MYO10: variants seen among roughly 807,000 people sequenced by gnomAD.
MYO10 encodes the protein myosin X.
In MYO10, 133 loss-of-function variants were observed where a neutral mutation model predicts 257.3. The ratio of observed to expected loss-of-function variants is 0.52; its 90% confidence interval spans 0.45 to 0.60. MYO10 has a LOEUF of 0.60. Ranked by LOEUF, MYO10 falls within the 20% of genes least tolerant of loss-of-function variation. MYO10 has a pLI of 0.00. For synonymous variants in MYO10, 1,104 were observed against 1,028.6 expected (o/e 1.07, Z -1.40); for missense variants, 2,399 against 2,635.7 (o/e 0.91, Z 1.97).
intron 2 of MYO10, among the ~76,000 whole-genome samples, chr5:16,842,091 A>C (rs548478740): frequency 1.3e-5 from 2 of 152,316 alleles, no homozygotes; most frequent in Non-Finnish European, 2.9e-5. Context: ...TTCATAGTAT[A>C]AAGTAAAACT....
intron 1 of MYO10, among the ~76,000 whole-genome samples, chr5:16,906,471 G>A (rs959516603): frequency 6.6e-6 from 1 of 152,132 alleles, no homozygotes; most frequent in Non-Finnish European, 1.5e-5. Flanking sequence ...AATGTCCCCT[G>A]GAGGCAAAAT....
At chr5:16,757,718 GCAGTGGTGCAATCA>G (rs1740577312) in intron 18 of MYO10, among the ~76,000 whole-genome samples, 1 of 152,170 alleles carries the variant, frequency 6.6e-6, no homozygotes, top group Admixed American at 6.5e-5. Context: ...AGGCTGGAGT[GCAGTGGTGCAATCA>G]CAGCTCTCTG....
Position 16,783,394 on chromosome 5 carries a change from A to T in MYO10, c.543T>A (p.Ser181=). The T allele has an allele frequency of 6.2e-7, 1 of 1,607,416 alleles. No individual in the cohort carries two copies. The highest frequency in any genetic ancestry group is 8.5e-7 in the Non-Finnish European group (1 of 1,176,864). Residue 181 remains serine, a synonymous_variant, in exon 5 of 41, where the codon TCT becomes TCA. Transcript: ENST00000513610. ...TCTTCTCCTTTAAGGACAATTCCAA[A>T]GACTGTTGACTGATGACTGACAGAA... ...LKFLSVISQQ[S]LELSLKEKTS...
chr5:16,816,200 G>A (rs1264270854), intron 3 of MYO10, among the ~76,000 whole-genome samples: 3 of 151,810 alleles, frequency 2.0e-5, no homozygotes, highest in Non-Finnish European at 4.4e-5. Flanking sequence ...TTAGCTGGGC[G>A]TGGTAGCACA....
At chr5:16,734,466 T>C (rs1368529129) in intron 19 of MYO10, among the ~76,000 whole-genome samples, 3 of 152,172 alleles carry the variant, frequency 2.0e-5, no homozygotes, top group Non-Finnish European at 4.4e-5. Flanking sequence ...CACCTGTTTT[T>C]TGCTGGGAGA....
At chr5:16,734,310 G>A (rs1316756403) in intron 19 of MYO10, among the ~76,000 whole-genome samples, 1 of 152,156 alleles carries the variant, frequency 6.6e-6, no homozygotes, top group African/African-American at 2.4e-5. Flanking sequence ...TCAGGGTTCT[G>A]ATCATATTGC....
intron 34 of MYO10, among the ~76,000 whole-genome samples, chr5:16,675,477 C>G (rs1158613312): frequency 6.6e-6 from 1 of 152,166 alleles, no homozygotes; most frequent in Non-Finnish European, 1.5e-5. Context: ...ATGGCTCACA[C>G]CTGTAATCTC....
intron 2 of MYO10, among the ~76,000 whole-genome samples, chr5:16,823,349 G>A (rs1742885709): frequency 7.1e-6 from 1 of 141,554 alleles, no homozygotes. Flanking sequence ...AGAGGCTGAG[G>A]CATGAGAATC....
intron 19 of MYO10, among the ~76,000 whole-genome samples, chr5:16,725,787 C>CTT (rs35020175): frequency 0.074 from 10,276 of 138,124 alleles, 881 homozygotes; most frequent in East Asian, 0.39. Flanking sequence ...CAGGTACCCC[C>CTT]TTTTTTTTTT....
At chr5:16,829,020 T>C (rs552117525) in intron 2 of MYO10, among the ~76,000 whole-genome samples, 2 of 152,292 alleles carry the variant, frequency 1.3e-5, no homozygotes, top group South Asian at 4.1e-4. Flanking sequence ...AGCCCCTCCC[T>C]GCGAAGAGTT....
intron 9 of MYO10, among the ~76,000 whole-genome samples, chr5:16,774,754 T>C (rs1177879910): frequency 6.6e-6 from 1 of 152,150 alleles, no homozygotes; most frequent in Non-Finnish European, 1.5e-5. Context: ...ATTATATTAT[T>C]TTAAAAATAC....
At chr5:16,912,802 G>GCACACACACACACACACACACACACA (rs70943817) in intron 1 of MYO10, among the ~76,000 whole-genome samples, 17 of 111,594 alleles carry the variant, frequency 1.5e-4, no homozygotes, top group Non-Finnish European at 2.6e-4. Flanking sequence ...CTACCACCCT[G>GCACACACACACACACACACACACACA]CACACACACA....
chr5:16,796,279 GAAAGAAAGAAGA>G (rs1741949928), intron 3 of MYO10, among the ~76,000 whole-genome samples: 2 of 139,300 alleles, frequency 1.4e-5, no homozygotes, highest in Middle Eastern at 3.5e-3. Flanking sequence ...AAGAAGGAAA[GAAAGAAAGAAGA>G]AAAGAAAGAA....
rs191761608 is a variant in MYO10, at chr5:16,669,405, C to T, written c.5884-937G>A. On this transcript the variant is annotated intron_variant, in intron 39 of 40. Transcript: ENST00000513610. ...ATTTTTTGCAGAGATGGGGTTTCAC[C>T]GTGTTAGCCAGGATGGTCTCGATCT... is the stretch of plus-strand genomic sequence containing the variant. 4.5e-4 allele frequency among the ~76,000 whole-genome samples: 69 copies of T among 152,160 alleles called. No individual in the cohort carries two copies. The East Asian group carries it at 6.2e-3, about 14-fold the overall frequency.
intron 2 of MYO10, among the ~76,000 whole-genome samples, chr5:16,845,781 T>G (rs538370374): frequency 1.3e-5 from 2 of 152,180 alleles, no homozygotes; most frequent in East Asian, 3.9e-4. Context: ...CTGGCTAACA[T>G]GGTGAAACCC....
chr5:16,680,739 C>T (rs1736954586), intron 32 of MYO10, among the ~76,000 whole-genome samples: 1 of 152,224 alleles, frequency 6.6e-6, no homozygotes, highest in South Asian at 2.1e-4. Flanking sequence ...AGTTCATGGA[C>T]AGTCAGGATT....
chr5:16,928,760 G>A (rs935657453), intron 1 of MYO10, among the ~76,000 whole-genome samples: 6 of 151,042 alleles, frequency 4.0e-5, no homozygotes, highest in African/African-American at 9.7e-5. Flanking sequence ...CAGGAGAATC[G>A]CTTGAACCTG....
chr5:16,819,021 C>A (rs1386357787), intron 2 of MYO10, among the ~76,000 whole-genome samples: 2 of 152,026 alleles, frequency 1.3e-5, no homozygotes, highest in African/African-American at 2.4e-5. Flanking sequence ...AATTTAAGTA[C>A]TTTAAATATG....
intron 19 of MYO10, among the ~76,000 whole-genome samples, chr5:16,735,180 G>T (rs1198134350): frequency 1.3e-5 from 2 of 152,168 alleles, no homozygotes; most frequent in African/African-American, 4.8e-5. Context: ...GCCATAAATT[G>T]TCTAAAGGAG....
Sources: gnomAD v4.1 joint callset for allele counts (sites outside exome capture counted in the v4.1 genomes callset) on GRCh38, gnomAD v4.1.1 for gene constraint, MANE v1.5 for transcripts, NCBI Gene and HGNC (gene_info 2026-07-23, HGNC 2026-07-21) for gene names.